The following C8A variants were observed in gnomAD, a reference collection of about 807,000 sequenced individuals.
The protein encoded by C8A is complement component C8 alpha chain.
C8A carries 67 observed loss-of-function variants against 65.3 expected under a neutral mutation model. That is an observed-to-expected ratio of 1.03 (90% confidence interval 0.84 to 1.26). The LOEUF (loss-of-function observed/expected upper bound fraction) is 1.26, where lower values mean the gene tolerates loss of function less well. Ranked by LOEUF, C8A falls within the 50% of genes most tolerant of loss-of-function variation. The pLI is 0.00. For synonymous variants in C8A, 290 were observed against 259.4 expected (o/e 1.12, Z -1.13); for missense variants, 781 against 723.9 (o/e 1.08, Z -0.90).
chr1:56,866,277 T>C lies in C8A; in HGVS notation c.78-1332T>C, dbSNP rs1357975709. 2.0e-5 allele frequency among the ~76,000 whole-genome samples: 3 copies of C among 152,364 alleles called. No individual in the cohort carries two copies. The East Asian group carries it at 5.8e-4, about 29-fold the overall frequency. On this transcript the variant is annotated intron_variant, in intron 1 of 10. Coordinates refer to ENST00000361249, the MANE Select transcript of C8A (RefSeq NM_000562.3). Reference sequence around the variant, plus strand: ...TTAAAGGGATTTGCAAAAATGTACATTTATGGTAACATGTAATAGGTTTGT... The same window carrying C: ...TTAAAGGGATTTGCAAAAATGTACACTTATGGTAACATGTAATAGGTTTGT...
chr1:56,884,269 G>C (rs1019547900), intron 6 of C8A, among the ~76,000 whole-genome samples: 5 of 151,960 alleles, frequency 3.3e-5, no homozygotes, highest in Non-Finnish European at 5.9e-5. Context: ...CATGTGCGAG[G>C]GCCTGGAGAT....
chr1:56,862,220 G>A (rs943378475), intron 1 of C8A, among the ~76,000 whole-genome samples: 2 of 152,248 alleles, frequency 1.3e-5, no homozygotes, highest in African/African-American at 2.4e-5. Flanking sequence ...TCTTGCAAAC[G>A]ATTTTCCCTG....
chr1:56,887,951 G>A (rs1251366685), intron 7 of C8A, among the ~76,000 whole-genome samples: 1 of 152,094 alleles, frequency 6.6e-6, no homozygotes, highest in Non-Finnish European at 1.5e-5. Flanking sequence ...CATGAATACA[G>A]GAAGGAGAAT....
At chr1:56,908,649 A>G (rs1644484907) in intron 9 of C8A, among the ~76,000 whole-genome samples, 1 of 152,210 alleles carries the variant, frequency 6.6e-6, no homozygotes, top group Non-Finnish European at 1.5e-5. Flanking sequence ...CCCAGGCTGC[A>G]ATTTGCTACC....
chr1:56,879,004 T>C (rs1482454455), intron 4 of C8A, among the ~76,000 whole-genome samples: 1 of 152,202 alleles, frequency 6.6e-6, no homozygotes, highest in African/African-American at 2.4e-5. Flanking sequence ...AAGCAGCATA[T>C]TCTTCTATAA....
At chr1:56,875,622 G>T (rs1570323391) in intron 3 of C8A, among the ~76,000 whole-genome samples, 1 of 152,136 alleles carries the variant, frequency 6.6e-6, no homozygotes, top group South Asian at 2.1e-4. Context: ...CTAGGAGAAA[G>T]AACATGCAAA....
intron 7 of C8A, among the ~76,000 whole-genome samples, chr1:56,892,201 C>A (rs938246339): frequency 1.3e-5 from 2 of 152,096 alleles, no homozygotes; most frequent in African/African-American, 4.8e-5. Flanking sequence ...GTCCTTCTCA[C>A]CCTAAACCCT....
intron 10 of C8A, among the ~76,000 whole-genome samples, chr1:56,915,318 T>C (rs1644542305): frequency 6.6e-6 from 1 of 152,078 alleles, no homozygotes; most frequent in Non-Finnish European, 1.5e-5. Context: ...ATGCAGAGAA[T>C]ACAAACCAAG....
chr1:56,893,660 T>C (rs538310802), intron 7 of C8A, among the ~76,000 whole-genome samples: 1 of 152,294 alleles, frequency 6.6e-6, no homozygotes, highest in Admixed American at 6.5e-5. Context: ...TGTGTAATCA[T>C]GGGCAGATAA....
rs901440095 is a variant in C8A at position 56,863,372 on chromosome 1, G to A, written c.78-4237G>A. On this transcript the variant is annotated intron_variant, in intron 1 of 10. Coordinates refer to ENST00000361249, the MANE Select transcript of C8A (RefSeq NM_000562.3). ...GTGTACTTTCTGTACTCTGGCCTGC[G>A]TGATAGCATTAGCATGTATGCCTCT... Among the ~76,000 whole-genome samples the A allele has an allele frequency of 5.9e-5, 9 of 152,212 alleles. No homozygotes were observed. The Middle Eastern group carries it at 0.014, about 230-fold the overall frequency.
At chr1:56,856,396 C>T (rs1002688703) in intron 1 of C8A, among the ~76,000 whole-genome samples, 35 of 152,188 alleles carry the variant, frequency 2.3e-4, no homozygotes, top group African/African-American at 8.2e-4. Flanking sequence ...TACCTATTAC[C>T]TAGTAATCAT....
intron 4 of C8A, among the ~76,000 whole-genome samples, chr1:56,880,665 G>A (rs1205479427): frequency 1.3e-5 from 2 of 151,476 alleles, no homozygotes; most frequent in Admixed American, 1.3e-4. Context: ...ATATTTCAAA[G>A]TTTTTTTTTG....
intron 7 of C8A, among the ~76,000 whole-genome samples, chr1:56,888,444 T>C (rs1389324055): frequency 6.6e-6 from 1 of 152,186 alleles, no homozygotes; most frequent in African/African-American, 2.4e-5. Context: ...CATTACAGTA[T>C]TTTTCAAATA....
intron 2 of C8A, among the ~76,000 whole-genome samples, chr1:56,872,362 T>G (rs991098967): frequency 6.6e-6 from 1 of 152,182 alleles, no homozygotes; most frequent in Non-Finnish European, 1.5e-5. Context: ...TGACTGGATA[T>G]CTACTCAGTG....
intron 4 of C8A, among the ~76,000 whole-genome samples, chr1:56,878,981 A>G (rs1644225911): frequency 6.6e-6 from 1 of 152,200 alleles, no homozygotes; most frequent in African/African-American, 2.4e-5. Context: ...CAAATTTTCT[A>G]TCTCTTTTTA....
chr1:56,876,522 G>A (rs986843842), intron 4 of C8A, among the ~76,000 whole-genome samples: 2 of 151,892 alleles, frequency 1.3e-5, no homozygotes, highest in Non-Finnish European at 2.9e-5. Context: ...CCTTCCTGAT[G>A]TCTCAGAAAG....
intron 2 of C8A, among the ~76,000 whole-genome samples, chr1:56,870,778 G>A (rs117879436): frequency 1.5e-4 from 23 of 151,048 alleles, no homozygotes; most frequent in Admixed American, 9.2e-4. Flanking sequence ...TCAAAAACAC[G>A]TGCGTTTTTA....
chr1:56,913,759 A>G (rs918898740), intron 10 of C8A, among the ~76,000 whole-genome samples: 7 of 152,248 alleles, frequency 4.6e-5, no homozygotes, highest in Non-Finnish European at 7.3e-5. Flanking sequence ...ACACAAAGGG[A>G]AAAACAAAGA....
intron 1 of C8A, among the ~76,000 whole-genome samples, chr1:56,858,692 G>A (rs1313665540): frequency 6.6e-6 from 1 of 152,156 alleles, no homozygotes; most frequent in Non-Finnish European, 1.5e-5. Context: ...TATGTATTCA[G>A]GAAACATGAA....
Sources: gnomAD v4.1 joint callset for allele counts (sites outside exome capture counted in the v4.1 genomes callset) on GRCh38, gnomAD v4.1.1 for gene constraint, MANE v1.5 for transcripts, NCBI Gene and HGNC (gene_info 2026-07-23, HGNC 2026-07-21) for gene names.